NHSL1: variants seen among roughly 807,000 people sequenced by gnomAD.
NHSL1 encodes NHS like 1.
Under a neutral mutation model 95.0 loss-of-function variants are expected in NHSL1, and 48 were observed. The ratio of observed to expected loss-of-function variants is 0.51; its 90% CI spans 0.40 to 0.64. NHSL1 has a LOEUF of 0.64. Ranked by LOEUF, NHSL1 falls within the 30% of genes least tolerant of loss-of-function variation. The probability of loss-of-function intolerance (pLI) is 0.00; values close to 1 mark genes in which losing one functional copy is unlikely to be tolerated. For missense variants in NHSL1, 1,971 were observed against 2,077.7 expected (o/e 0.95, Z 1.00); for synonymous variants, 783 against 833.9 (o/e 0.94, Z 1.05).
chr6:138,639,885 GCT>G (rs1491506007), intron 1 of NHSL1, among the ~76,000 whole-genome samples: 2 of 123,386 alleles, frequency 1.6e-5, no homozygotes, highest in African/African-American at 6.0e-5. Context: ...TCAAATTTTA[GCT>G]TTTTTTTTTT....
At chr6:138,683,446 T>C (rs1026386892) in intron 1 of NHSL1, among the ~76,000 whole-genome samples, 2 of 152,192 alleles carry the variant, frequency 1.3e-5, no homozygotes, top group African/African-American at 4.8e-5. Flanking sequence ...GTTAAATAAA[T>C]GTTAGCTATG....
In NHSL1 at chr6:138,422,746, G is replaced by A. The variant is rs1324085896; in HGVS notation, c.*1335C>T. On this transcript the variant is annotated 3_prime_UTR_variant, in exon 8 of 8. Coordinates refer to ENST00000343505, the MANE Select transcript of NHSL1 (RefSeq NM_001144060.2). Reference sequence around the variant, plus strand: ...GATTGGAGAAGATTAGAAGTAATTAGCAACTCAATTATTTATAAACAAATA... The same window carrying A: ...GATTGGAGAAGATTAGAAGTAATTAACAACTCAATTATTTATAAACAAATA... The A allele has an allele frequency of 1.1e-4, 17 of 152,112 alleles. 1 individual carries two copies. Among genetic ancestry groups the A allele is most frequent in the Non-Finnish European group, 1.5e-5 (1 of 68,014 alleles). 9.4% of individuals were successfully genotyped at this position (152,112 alleles called of 1,614,324 possible). A position where few individuals can be genotyped will look rare whatever the true frequency, so the allele number is the denominator to read the frequency against.
intron 1 of NHSL1, among the ~76,000 whole-genome samples, chr6:138,536,762 C>A (rs1421525864): frequency 1.3e-5 from 2 of 151,900 alleles, no homozygotes. Context: ...AGGGATTTGT[C>A]CTAATGCTCT....
intron 1 of NHSL1, among the ~76,000 whole-genome samples, chr6:138,628,758 T>C (rs969210656): frequency 1.3e-5 from 2 of 152,054 alleles, no homozygotes; most frequent in Admixed American, 6.6e-5. Flanking sequence ...AAAAAGAAAA[T>C]TAAAAAGTTC....
At chr6:138,459,601 C>G (rs7757194) in intron 3 of NHSL1, among the ~76,000 whole-genome samples, 21,285 of 152,150 alleles carry the variant, frequency 0.14, 1,535 homozygotes, top group Middle Eastern at 0.16. Flanking sequence ...TCCTGATTGT[C>G]TTGGCTACCT....
chr6:138,424,424 G>C lies in NHSL1; in HGVS notation c.4478C>G (p.Ser1493Cys). 1 of 1,550,422 alleles carries C rather than the reference G, an allele frequency of 6.4e-7. No individual in the cohort carries two copies. Among genetic ancestry groups the C allele is most frequent in the South Asian group, 1.2e-5 (1 of 84,018 alleles). ...EGLMPRSLSFSGPRYGRSRTP... is the reference protein window; with the variant it reads ...EGLMPRSLSFCGPRYGRSRTP... ...TCGGCTGCGGCCGTACCTGGGGCCG[G>C]AAAAGGACAGACTCCGAGGCATCAA... Residue 1493 changes from serine to cysteine, a missense_variant, in exon 8 of 8, where the codon TCC becomes TGC. Physicochemically the swap from Ser to Cys is moderately radical, Grantham distance 112. Around this residue, in one of 3 missense-constraint regions of NHSL1, gnomAD observed 223 missense variants for 217.0 expected, o/e 1.03. Coordinates refer to ENST00000343505, the MANE Select transcript of NHSL1 (RefSeq NM_001144060.2). This position sits in a 1 kb window ranked among gnomAD's most constrained non-coding sequence, Gnocchi z 5.9.
intron 1 of NHSL1, among the ~76,000 whole-genome samples, chr6:138,544,551 G>A (rs571753492): frequency 6.6e-6 from 1 of 152,234 alleles, no homozygotes; most frequent in East Asian, 1.9e-4. Context: ...AAATTGCAAA[G>A]CCTGGGTCTA....
At chr6:138,486,067 C>T (rs973936165) in intron 2 of NHSL1, among the ~76,000 whole-genome samples, 1 of 152,160 alleles carries the variant, frequency 6.6e-6, no homozygotes, top group Non-Finnish European at 1.5e-5. Flanking sequence ...CAACCTCCGA[C>T]CCTCCGCTTT....
intron 1 of NHSL1, among the ~76,000 whole-genome samples, chr6:138,529,175 T>G (rs963915138): frequency 6.6e-6 from 1 of 152,186 alleles, no homozygotes; most frequent in Middle Eastern, 3.2e-3. Flanking sequence ...CTGGGTCAAC[T>G]ATGATGTTCC....
intron 1 of NHSL1, among the ~76,000 whole-genome samples, chr6:138,616,420 GC>G (rs1784578594): frequency 6.6e-6 from 1 of 152,086 alleles, no homozygotes; most frequent in Non-Finnish European, 1.5e-5. Context: ...TGTAGCAGGG[GC>G]AGTACAAGCC....
upstream of NHSL1, among the ~76,000 whole-genome samples, chr6:138,547,855 C>G (rs1056067751): frequency 2.4e-4 from 36 of 152,344 alleles, no homozygotes; most frequent in South Asian, 1.5e-3. Context: ...ATTCTCTGTC[C>G]TCTCCTGTTC....
At chr6:138,594,233 T>G (rs906850713) in intron 1 of NHSL1, among the ~76,000 whole-genome samples, 2 of 152,170 alleles carry the variant, frequency 1.3e-5, no homozygotes, top group Non-Finnish European at 2.9e-5. Flanking sequence ...ACTAGTATTT[T>G]TGGTATTCAG....
At chr6:138,619,594 G>C (rs986150957) in intron 1 of NHSL1, among the ~76,000 whole-genome samples, 1 of 152,142 alleles carries the variant, frequency 6.6e-6, no homozygotes, top group Admixed American at 6.5e-5. Context: ...CAAGTTTGAG[G>C]AGTGTACAAA....
chr6:138,580,587 T>C (rs529013445), intron 1 of NHSL1, among the ~76,000 whole-genome samples: 31 of 152,270 alleles, frequency 2.0e-4, no homozygotes, highest in African/African-American at 7.0e-4. Context: ...ACTTTCAAGC[T>C]ACCAACAATT....
At chr6:138,593,693 T>C (rs906900079) in intron 1 of NHSL1, among the ~76,000 whole-genome samples, 2 of 152,224 alleles carry the variant, frequency 1.3e-5, no homozygotes, top group Non-Finnish European at 2.9e-5. Flanking sequence ...TTATATTTCA[T>C]GGGACCTTTT....
chr6:138,502,347 T>G (rs764908244), upstream of NHSL1, among the ~76,000 whole-genome samples: 1 of 152,182 alleles, frequency 6.6e-6, no homozygotes, highest in Non-Finnish European at 1.5e-5. Flanking sequence ...CATGCCTCAA[T>G]GCTGTGGTTG....
chr6:138,605,412 C>A (rs745436207), intron 1 of NHSL1, among the ~76,000 whole-genome samples: 21 of 152,216 alleles, frequency 1.4e-4, no homozygotes, highest in Non-Finnish European at 2.2e-4. Flanking sequence ...TGTATAATTA[C>A]CTTTTCATAT....
intron 2 of NHSL1, among the ~76,000 whole-genome samples, chr6:138,479,401 TA>T (rs1310641657): frequency 6.6e-6 from 1 of 152,102 alleles, no homozygotes; most frequent in East Asian, 1.9e-4. Flanking sequence ...CATTATTAAG[TA>T]AAATAAGGGT....
chr6:138,471,737 G>A (rs1237536808), intron 3 of NHSL1, among the ~76,000 whole-genome samples: 3 of 151,842 alleles, frequency 2.0e-5, no homozygotes, highest in African/African-American at 4.8e-5. Context: ...ATAACTAAGA[G>A]TGTAAATTTC....
Sources: gnomAD v4.1 joint callset for allele counts (sites outside exome capture counted in the v4.1 genomes callset) on GRCh38, gnomAD v4.1.1 for gene constraint, gnomAD v4.1.1 regional missense constraint, Gnocchi (gnomAD v3.1) non-coding constraint, MANE v1.5 for transcripts, NCBI Gene and HGNC (gene_info 2026-07-23, HGNC 2026-07-21) for gene names.